The following TIA1 variants were observed in gnomAD, a reference collection of about 807,000 sequenced individuals.
TIA1 encodes TIA1 cytotoxic granule associated RNA binding protein.
TIA1 carries 23 observed loss-of-function variants against 65.9 expected under a neutral mutation model. The observed-to-expected ratio is 0.35, with a 90% CI of 0.25 to 0.49. TIA1 has a LOEUF of 0.49. Among genes scored for constraint, TIA1 ranks in the 20% least tolerant of loss-of-function variants. The probability of loss-of-function intolerance (pLI) is 0.98; values close to 1 mark genes in which losing one functional copy is unlikely to be tolerated. For synonymous variants in TIA1, 147 were observed against 149.4 expected (o/e 0.98, Z 0.12); for missense variants, 371 against 477.9 (o/e 0.78, Z 2.09).
chr2:70,237,428 A>G (rs1351757135), intron 1 of TIA1, among the ~76,000 whole-genome samples: 1 of 151,982 alleles, frequency 6.6e-6, no homozygotes, highest in Admixed American at 6.6e-5. Context: ...ACACCTTGCT[A>G]GTGAAGGGGA....
At position 70,210,772 on chromosome 2, in the gene TIA1, AGCT is replaced by A. The variant is rs1477025589; in HGVS notation, c.*1944_*1946del. ...ATTTTATTTTAAAATATTTCATTTA[AGCT>A]GCTTTTGGTTGCATGCCCTGATCTG... On this transcript the variant is annotated 3_prime_UTR_variant, in exon 13 of 13. Transcript: ENST00000433529. 1 of 152,202 alleles carries A rather than the reference AGCT, an allele frequency of 6.6e-6. No individual in the cohort carries two copies. The highest frequency in any genetic ancestry group is 1.5e-5 in the Non-Finnish European group (1 of 68,032). The allele number at this position is 152,202 out of a possible 1,614,324, so 9.4% of individuals were successfully genotyped here. A position where few individuals can be genotyped will look rare whatever the true frequency, so the allele number is the denominator to read the frequency against.
intron 1 of TIA1, among the ~76,000 whole-genome samples, chr2:70,248,026 G>C (rs977624159): frequency 6.6e-6 from 1 of 151,846 alleles, no homozygotes; most frequent in Non-Finnish European, 1.5e-5. Context: ...GATAAGAAGA[G>C]GTTAATCAAA....
Position 70,215,415 on chromosome 2 carries a change from A to G in TIA1, c.844T>C (p.Tyr282His). The G allele has an allele frequency of 6.2e-7, 1 of 1,614,140 alleles. No individual in the cohort carries two copies. The highest frequency in any genetic ancestry group is 8.5e-7 in the Non-Finnish European group (1 of 1,180,008). Residue 282 changes from tyrosine (Y) to histidine (H), a missense_variant, in exon 11 of 13, where the codon TAT becomes CAT. Transcript: ENST00000433529. ...TTIEGHVVKC[Y>H]WGKETLDMIN... ...ATATCAAGAGTTTCTTTGCCCCAAT[A>G]GCATTTCACAACATGACCTTCAATG...
Position 70,211,166 on chromosome 2 carries a change from G to C in TIA1, c.*1553C>G, listed in dbSNP as rs767628817. ...ACTGGGACCTTTCCTCTTGAGTAAA[G>C]GAAGAAGGAGGTTTGTGATCTTCAC... On this transcript the variant is annotated 3_prime_UTR_variant, in exon 13 of 13. Transcript: ENST00000433529. 2.0e-5 allele frequency: 3 copies of C among 152,102 alleles called. No individual in the cohort carries two copies. The highest frequency in any genetic ancestry group is 4.4e-5 in the Non-Finnish European group (3 of 68,024). 9.4% of individuals were successfully genotyped at this position (152,102 alleles called of 1,614,324 possible).
intron 6 of TIA1, chr2:70,224,914 C>T: frequency 8.8e-7 from 1 of 1,133,800 alleles, no homozygotes; most frequent in Non-Finnish European, 1.1e-6. Flanking sequence ...ATGGTGAAAG[C>T]AGCTACTCAC....
chr2:70,216,608 T>C (rs1678737373), intron 8 of TIA1, 109 bp from the exon 9 acceptor site: 2 of 1,306,880 alleles, frequency 1.5e-6, no homozygotes, highest in Non-Finnish European at 2.1e-6. Flanking sequence ...TTGATCAAAA[T>C]GCTTATATTA....
rs1676425837 is a variant in TIA1, at chr2:70,211,294, T to C, written c.*1425A>G. On this transcript the variant is annotated 3_prime_UTR_variant, in exon 13 of 13. Coordinates refer to ENST00000433529, the MANE Select transcript of TIA1 (RefSeq NM_022173.4). The stretch of plus-strand genomic sequence containing the variant: ...TGCCATCAAAGATTAAACCTCTTAA[T>C]GCTTGGAGCCACCCCAAAATAATAA... The C allele has an allele frequency of 6.6e-6, 1 of 152,200 alleles. No individual in the cohort carries two copies. Among genetic ancestry groups the C allele is most frequent in the Admixed American group, 6.6e-5 (1 of 15,264 alleles). The allele number at this position is 152,200 out of a possible 1,614,324, so 9.4% of individuals were successfully genotyped here.
intron 5 of TIA1, 130 bp downstream of exon 5, chr2:70,228,929 T>C: frequency 6.8e-7 from 1 of 1,475,158 alleles, no homozygotes; most frequent in South Asian, 1.3e-5. Flanking sequence ...AGAAAAGTAT[T>C]GCTAGAGAGA....
chr2:70,218,532 T>C (rs1679704624), intron 7 of TIA1, among the ~76,000 whole-genome samples: 1 of 152,152 alleles, frequency 6.6e-6, no homozygotes, highest in Admixed American at 6.5e-5. Context: ...CCTGGGTTCC[T>C]GCCATTCTCC....
chr2:70,231,303 AAAAC>A (rs1461973779), intron 2 of TIA1, among the ~76,000 whole-genome samples: 2 of 152,266 alleles, frequency 1.3e-5, no homozygotes, highest in African/African-American at 2.4e-5. Context: ...CTCCGTCTCA[AAAAC>A]AAACAAACAA....
In TIA1 at chr2:70,231,170, C is replaced by G. The variant is rs1428096730; in HGVS notation, c.124-316G>C. Among the ~76,000 whole-genome samples the G allele has an allele frequency of 3.9e-5, 6 of 151,976 alleles. No homozygotes were observed. In the East Asian group the frequency reaches 1.2e-3, roughly 29 times the overall value. ...TACAAAAATTAACCAGGCATGGTGG[C>G]AGGCTCCTGTAATCCCACCTACTCG... On this transcript the variant is annotated intron_variant, in intron 2 of 12. Coordinates refer to ENST00000433529, the MANE Select transcript of TIA1 (RefSeq NM_022173.4).
rs533288631 is a variant in TIA1, at chr2:70,217,458, C to T, written c.475-464G>A. ...TGTGGCCCAGGCTGGAGTGTAATGGCGTGATCTCGGCTCACTGCAAGCTCT... is the reference window on the plus strand; with the variant it reads ...TGTGGCCCAGGCTGGAGTGTAATGGTGTGATCTCGGCTCACTGCAAGCTCT... On this transcript the variant is annotated intron_variant, in intron 7 of 12. Coordinates refer to ENST00000433529, the MANE Select transcript of TIA1 (RefSeq NM_022173.4). 9.1e-4 allele frequency among the ~76,000 whole-genome samples: 137 copies of T among 151,072 alleles called. 2 individuals are homozygous for T. Among genetic ancestry groups the T allele is most frequent in the Non-Finnish European group, 1.7e-3 (113 of 67,800 alleles).
intron 1 of TIA1, among the ~76,000 whole-genome samples, chr2:70,240,010 G>A (rs960286273): frequency 1.3e-5 from 2 of 152,190 alleles, no homozygotes; most frequent in Non-Finnish European, 2.9e-5. Flanking sequence ...TGAAATAACT[G>A]TTTCAGGCAA....
At position 70,210,906 on chromosome 2, in the gene TIA1, T is replaced by C. The variant is rs1023162932; in HGVS notation, c.*1813A>G. ...CACTTAAAAATACACAGTGACTTAA[T>C]GAAATATCAGCACAACTGCATAGAA... On this transcript the variant is annotated 3_prime_UTR_variant, in exon 13 of 13. Transcript: ENST00000433529. The C allele has an allele frequency of 2.6e-5, 4 of 152,200 alleles. No homozygotes were observed. The highest frequency in any genetic ancestry group is 4.4e-5 in the Non-Finnish European group (3 of 68,040). The allele number at this position is 152,200 out of a possible 1,614,324, so 9.4% of individuals were successfully genotyped here.
chr2:70,230,235 C>G (rs1336127180), intron 3 of TIA1, among the ~76,000 whole-genome samples: 1 of 145,904 alleles, frequency 6.9e-6, no homozygotes, highest in Admixed American at 6.7e-5. Flanking sequence ...AGAGAAAGAC[C>G]CAACTCAAAA....
At chr2:70,233,186 G>A (rs901608694) in intron 2 of TIA1, among the ~76,000 whole-genome samples, 2 of 152,028 alleles carry the variant, frequency 1.3e-5, no homozygotes, top group African/African-American at 4.8e-5. Flanking sequence ...GCCCAGGCTG[G>A]TCTCAAATTC....
intron 1 of TIA1, among the ~76,000 whole-genome samples, chr2:70,236,728 G>A (rs1231389303): frequency 2.0e-5 from 3 of 152,098 alleles, no homozygotes; most frequent in African/African-American, 4.8e-5. Flanking sequence ...CTGGGCACAA[G>A]GGATTCTCCC....
At chr2:70,224,670 T>C in intron 6 of TIA1, 41 bp from the exon 7 acceptor site, 2 of 1,599,478 alleles carry the variant, frequency 1.3e-6, no homozygotes, top group Non-Finnish European at 8.5e-7. Flanking sequence ...TTGCAAACTA[T>C]CCTCTGGATA....
At chr2:70,243,341 C>T (rs1692744114) in intron 1 of TIA1, among the ~76,000 whole-genome samples, 1 of 152,104 alleles carries the variant, frequency 6.6e-6, no homozygotes, top group African/African-American at 2.4e-5. Context: ...GTGGGAAGAT[C>T]CCTTGAGCCT....
Sources: gnomAD v4.1 joint callset for allele counts (sites outside exome capture counted in the v4.1 genomes callset) on GRCh38, gnomAD v4.1.1 for gene constraint, MANE v1.5 for transcripts, NCBI Gene and HGNC (gene_info 2026-07-23, HGNC 2026-07-21) for gene names.